SLC9A1: variants seen among roughly 807,000 people sequenced by gnomAD.
The protein encoded by SLC9A1 is sodium/hydrogen exchanger 1.
In SLC9A1, 22 loss-of-function variants were observed where a neutral mutation model predicts 67.9. The ratio of observed to expected loss-of-function variants is 0.32; its 90% CI spans 0.23 to 0.46. The LOEUF is 0.46. SLC9A1 is among the 20% of genes least tolerant of loss of function. The pLI, the probability that SLC9A1 is intolerant of heterozygous loss-of-function variation, is 1.00. For synonymous variants in SLC9A1, 421 were observed against 471.8 expected (o/e 0.89, Z 1.40); for missense variants, 686 against 1,094.8 (o/e 0.63, Z 5.27).
chr1:27,127,299 C>T (rs574018508), intron 1 of SLC9A1, among the ~76,000 whole-genome samples: 6 of 152,304 alleles, frequency 3.9e-5, no homozygotes, highest in African/African-American at 1.4e-4. Flanking sequence ...CTGAGCCCAG[C>T]CCAGGTAGAG....
At chr1:27,124,753 G>A (rs1311771364) in intron 1 of SLC9A1, among the ~76,000 whole-genome samples, 5 of 152,086 alleles carry the variant, frequency 3.3e-5, no homozygotes, top group Non-Finnish European at 7.4e-5. Context: ...TGAAGAAGGG[G>A]TGTTAGCCAT....
intron 1 of SLC9A1, among the ~76,000 whole-genome samples, chr1:27,115,608 T>C (rs968017506): frequency 1.3e-5 from 2 of 151,808 alleles, no homozygotes; most frequent in Non-Finnish European, 2.9e-5. Flanking sequence ...AGGCCAATAA[T>C]TTGACACCAG....
intron 1 of SLC9A1, among the ~76,000 whole-genome samples, chr1:27,140,538 G>C (rs1222639967): frequency 6.6e-6 from 1 of 152,098 alleles, no homozygotes; most frequent in Non-Finnish European, 1.5e-5. Flanking sequence ...CACTTACAAT[G>C]TGCTCAGGGC....
Position 27,154,103 on chromosome 1 carries a change from C to A in SLC9A1, c.232G>T (p.Val78Phe), listed in dbSNP as rs756225104. The A allele has an allele frequency of 6.2e-7, 1 of 1,614,052 alleles. No individual in the cohort carries two copies. The highest frequency in any genetic ancestry group is 1.7e-5 in the Admixed American group (1 of 60,012). ...TPESRPVNHS[V>F]TDHGMKPRKA... ...CGCGGCTTCATGCCATGATCAGTGA[C>A]GGAATGATTAACAGGGCGGCTCTCT... is the stretch of plus-strand genomic sequence containing the variant. Residue 78 changes from valine to phenylalanine, a missense_variant, in exon 1 of 12, where the codon GTC (valine) becomes TTC (phenylalanine). Physicochemically the swap from Val to Phe is conservative, Grantham distance 50. Transcript: ENST00000263980.
chr1:27,101,353 C>T lies in SLC9A1; in HGVS notation c.2038-78G>A, dbSNP rs2083143317. The T allele has an allele frequency of 1.8e-6, 2 of 1,133,348 alleles. No homozygotes were observed. Among genetic ancestry groups the T allele is most frequent in the African/African-American group, 1.5e-5 (1 of 65,678 alleles). The allele number at this position is 1,133,348 out of a possible 1,614,324, so 70.2% of individuals were successfully genotyped here. On this transcript the variant is annotated intron_variant, in intron 10 of 11. Transcript: ENST00000263980. This position sits in a 1 kb window ranked among gnomAD's most constrained non-coding sequence, Gnocchi z 4.9. The stretch of plus-strand genomic sequence containing the variant: ...CTCAGGACAGAACCCGGCCAGTGCA[C>T]ACCCCACCTTTCGTATATGCAGGGC...
chr1:27,148,551 A>G (rs188091071), intron 1 of SLC9A1, among the ~76,000 whole-genome samples: 3 of 152,282 alleles, frequency 2.0e-5, no homozygotes, highest in Non-Finnish European at 4.4e-5. Context: ...GATTAGTCCC[A>G]GGCATGCTAA....
rs2083128602 is a variant in SLC9A1, at chr1:27,100,064, C to T, written c.*243G>A. ...GCCTGGATCTAGGGAGGGGCAGGGC[C>T]GGCCTCACCAGCCCCAGCAGTTCTG... On this transcript the variant is annotated 3_prime_UTR_variant, in exon 12 of 12. Transcript: ENST00000263980. This position sits in a 1 kb window ranked among gnomAD's most constrained non-coding sequence, Gnocchi z 5.6. 9.2e-6 allele frequency: 4 copies of T among 436,560 alleles called. No homozygotes were observed. The highest frequency in any genetic ancestry group is 6.6e-5 in the South Asian group (1 of 15,212). 27.0% of individuals were successfully genotyped at this position (436,560 alleles called of 1,614,324 possible). A position where few individuals can be genotyped will look rare whatever the true frequency, so the allele number is the denominator to read the frequency against.
At chr1:27,125,409 C>T (rs2083336428) in intron 1 of SLC9A1, among the ~76,000 whole-genome samples, 2 of 151,008 alleles carry the variant, frequency 1.3e-5, no homozygotes, top group South Asian at 4.2e-4. Flanking sequence ...CCACACCTGG[C>T]CAATTTTTGT....
chr1:27,100,167 G>T lies in SLC9A1; in HGVS notation c.*140C>A. On this transcript the variant is annotated 3_prime_UTR_variant, in exon 12 of 12. Coordinates refer to ENST00000263980, the MANE Select transcript of SLC9A1 (RefSeq NM_003047.5). The surrounding 1 kb of genome is among the most constrained non-coding windows in gnomAD (Gnocchi z 5.6). ...GCAGGGGAGGAGCTGTGCTGGGGTG[G>T]GGGCTGTGGGCCCAGCTGCCATGCG... 1 of 592,854 alleles carries T rather than the reference G, an allele frequency of 1.7e-6. No homozygotes were observed. The allele number at this position is 592,854 out of a possible 1,614,324, so 36.7% of individuals were successfully genotyped here. A position where few individuals can be genotyped will look rare whatever the true frequency, so the allele number is the denominator to read the frequency against.
At chr1:27,131,318 TGTG>T (rs2083382703) in intron 1 of SLC9A1, among the ~76,000 whole-genome samples, 1 of 150,552 alleles carries the variant, frequency 6.6e-6, no homozygotes, top group African/African-American at 2.4e-5. Flanking sequence ...AGTGGCTGGG[TGTG>T]GTGGCTCACG....
chr1:27,147,351 G>A (rs890763405), intron 1 of SLC9A1, among the ~76,000 whole-genome samples: 1 of 146,152 alleles, frequency 6.8e-6, no homozygotes, highest in Non-Finnish European at 1.5e-5. Flanking sequence ...AATTAGCTGG[G>A]GGTGGTGGCG....
At chr1:27,108,558 A>G (rs2083206092) in intron 3 of SLC9A1, among the ~76,000 whole-genome samples, 1 of 152,054 alleles carries the variant, frequency 6.6e-6, no homozygotes, top group African/African-American at 2.4e-5. Context: ...GGCACCTGTA[A>G]TCCCACCTAA....
In SLC9A1 at chr1:27,109,798, G is replaced by A. The variant is rs769759296; in HGVS notation, c.814-21C>T. 6.2e-7 allele frequency: 1 copy of A among 1,612,476 alleles called. No homozygotes were observed. Among genetic ancestry groups the A allele is most frequent in the Non-Finnish European group, 8.5e-7 (1 of 1,179,370 alleles). ...AGGACCTGGGGAGGGTGTGCAGGCT[G>A]GTGGGTGGGAGGAGAGGGCCCTGGC... On this transcript the variant is annotated intron_variant, in intron 2 of 11. Coordinates refer to ENST00000263980, the MANE Select transcript of SLC9A1 (RefSeq NM_003047.5). The surrounding 1 kb of genome is among the most constrained non-coding windows in gnomAD (Gnocchi z 5.5).
At chr1:27,133,765 ATT>A (rs996909009) in intron 1 of SLC9A1, among the ~76,000 whole-genome samples, 25 of 138,472 alleles carry the variant, frequency 1.8e-4, no homozygotes, top group Middle Eastern at 3.6e-3. Context: ...AGCCCTGGTA[ATT>A]TTTTTTTTTT....
chr1:27,108,738 C>G (rs1043297500), intron 3 of SLC9A1, among the ~76,000 whole-genome samples: 4 of 152,128 alleles, frequency 2.6e-5, no homozygotes, highest in African/African-American at 9.7e-5. Flanking sequence ...TGCCTGCAGG[C>G]AGCAAAGCCA....
intron 1 of SLC9A1, among the ~76,000 whole-genome samples, chr1:27,139,191 G>C (rs1216910634): frequency 6.6e-6 from 1 of 152,136 alleles, no homozygotes; most frequent in Non-Finnish European, 1.5e-5. Context: ...CTAGTACTCA[G>C]AGCCTGCAAA....
rs764289198 is a variant in SLC9A1 at position 27,101,843 on chromosome 1, G to A, written c.1936-17C>T. On this transcript the variant is annotated splice_polypyrimidine_tract_variant and intron_variant, in intron 9 of 11. Transcript: ENST00000263980. The surrounding 1 kb of genome is among the most constrained non-coding windows in gnomAD (Gnocchi z 4.9). ...GGACCGCAGCTGTGGGAGGGACAGC[G>A]TCAGGGCAGTGCGGGCCCCGGAAGG... 11 of 1,585,720 alleles carry A rather than the reference G, an allele frequency of 6.9e-6. No homozygotes were observed. The highest frequency in any genetic ancestry group is 1.1e-5 in the South Asian group (1 of 90,374).
At chr1:27,135,494 G>C (rs554472850) in intron 1 of SLC9A1, among the ~76,000 whole-genome samples, 30 of 122,778 alleles carry the variant, frequency 2.4e-4, no homozygotes, top group South Asian at 1.1e-3. Flanking sequence ...AGCAGTGTTT[G>C]ATTTTTTTTT....
intron 8 of SLC9A1, 123 bp from the exon 9 acceptor site, chr1:27,102,253 G>A (rs2124128763): frequency 1.5e-6 from 2 of 1,339,490 alleles, no homozygotes; most frequent in Admixed American, 1.8e-5. Context: ...CAGGTCCTTG[G>A]TGCGAGCCCA....
Sources: allele counts gnomAD v4.1 joint callset (sites outside exome capture counted in the v4.1 genomes callset), GRCh38; gene constraint gnomAD v4.1.1; non-coding constraint Gnocchi (gnomAD v3.1); transcripts MANE v1.5; gene names NCBI Gene and HGNC (gene_info 2026-07-23, HGNC 2026-07-21).